Variants in MIPEP observed in about 807,000 individuals in gnomAD.
MIPEP encodes mitochondrial intermediate peptidase.
A neutral mutation model predicts 90.3 loss-of-function variants in MIPEP; 79 were observed. The ratio of observed to expected loss-of-function variants is 0.87; its 90% CI spans 0.73 to 1.05. The LOEUF is 1.05. Among genes scored for constraint, MIPEP ranks in the 50% least tolerant of loss-of-function variants. MIPEP has a pLI of 0.00. For missense variants in MIPEP, 940 were observed against 905.6 expected (o/e 1.04, Z -0.49); for synonymous variants, 334 against 315.8 (o/e 1.06, Z -0.61).
chr13:23,853,036 G>A (rs79173074), intron 10 of MIPEP, among the ~76,000 whole-genome samples: 6,923 of 152,208 alleles, frequency 0.045, 212 homozygotes, highest in Middle Eastern at 0.068. Context: ...TCTATACAAT[G>A]TGCTTGTGTT....
intron 16 of MIPEP, among the ~76,000 whole-genome samples, chr13:23,778,361 G>A (rs1422449065): frequency 1.3e-5 from 2 of 152,094 alleles, no homozygotes; most frequent in African/African-American, 4.8e-5. Context: ...ATCATGATGT[G>A]TGCAAGACAC....
chr13:23,794,474 T>C (rs1449439994), intron 16 of MIPEP, among the ~76,000 whole-genome samples: 1 of 152,196 alleles, frequency 6.6e-6, no homozygotes, highest in Non-Finnish European at 1.5e-5. Context: ...CTCTCATTCC[T>C]TGTGAGTAAA....
At chr13:23,783,050 C>T (rs1339017164) in intron 16 of MIPEP, among the ~76,000 whole-genome samples, 3 of 152,180 alleles carry the variant, frequency 2.0e-5, no homozygotes, top group African/African-American at 7.2e-5. Context: ...GGTACCATTC[C>T]TTCTGAAACT....
At chr13:23,822,690 A>G (rs534943547) in intron 14 of MIPEP, among the ~76,000 whole-genome samples, 12 of 152,274 alleles carry the variant, frequency 7.9e-5, no homozygotes, top group African/African-American at 2.6e-4. Flanking sequence ...ATTGTTTGTT[A>G]ATGCCAGAAC....
At chr13:23,853,133 T>C (rs764130632) in intron 10 of MIPEP, among the ~76,000 whole-genome samples, 1 of 152,206 alleles carries the variant, frequency 6.6e-6, no homozygotes, top group Non-Finnish European at 1.5e-5. Context: ...GAAGCAAAAG[T>C]TAATTTATTA....
chr13:23,756,694 A>T, intron 17 of MIPEP, 76 bp from the exon 18 acceptor site: 1 of 1,389,414 alleles, frequency 7.2e-7, no homozygotes, highest in Non-Finnish European at 1.0e-6. Context: ...TCTCAAAGAA[A>T]GCCACACTGA....
rs772788829 is a variant in MIPEP, at chr13:23,879,253, G to A, written c.539+15C>T. ...GAGTCACAGTCACAATCAAGGCAAA[G>A]AAATGAGTGAGTACCTTGTTTCTGG... On this transcript the variant is annotated intron_variant, in intron 4 of 18. Transcript: ENST00000382172. 22 of 1,536,254 alleles carry A rather than the reference G, an allele frequency of 1.4e-5. No homozygotes were observed. The Admixed American group carries it at 2.4e-4, about 17-fold the overall frequency.
At chr13:23,730,902 G>C (rs1952197726) in intron 18 of MIPEP, among the ~76,000 whole-genome samples, 1 of 151,996 alleles carries the variant, frequency 6.6e-6, no homozygotes, top group Admixed American at 6.5e-5. Flanking sequence ...TCAAGTTATT[G>C]GCTCTCCTCC....
chr13:23,835,623 G>T (rs903678826), intron 14 of MIPEP, among the ~76,000 whole-genome samples: 1 of 152,184 alleles, frequency 6.6e-6, no homozygotes, highest in African/African-American at 2.4e-5. Flanking sequence ...GGAAGGGAAA[G>T]AACGCATCTT....
rs928466205 is a variant in MIPEP at position 23,808,173 on chromosome 13, A to G, written c.1728+1677T>C. ...GAGTGCAGTGGCGCGATCTCGGCTCACTGCAAGCTCCGCCTCCCGGGTTCA... is the reference window on the plus strand; with the variant it reads ...GAGTGCAGTGGCGCGATCTCGGCTCGCTGCAAGCTCCGCCTCCCGGGTTCA... On this transcript the variant is annotated intron_variant, in intron 15 of 18. Transcript: ENST00000382172. Among the ~76,000 whole-genome samples, 13 of 150,490 alleles carry G rather than the reference A, an allele frequency of 8.6e-5. No homozygotes were observed. In the Admixed American group the frequency reaches 8.7e-4, roughly 10 times the overall value.
In MIPEP at chr13:23,889,050, C is replaced by T. The variant is rs532881631; in HGVS notation, c.189+82G>A. ...TCGCCTCCTCCCAGGCCCAAACAATCTCGCCCTGATTGTTGCTGGCCGCGC... is the reference window on the plus strand; with the variant it reads ...TCGCCTCCTCCCAGGCCCAAACAATTTCGCCCTGATTGTTGCTGGCCGCGC... On this transcript the variant is annotated intron_variant, in intron 1 of 18. Coordinates refer to ENST00000382172, the MANE Select transcript of MIPEP (RefSeq NM_005932.4). The T allele has an allele frequency of 5.6e-6, 7 of 1,260,018 alleles. No homozygotes were observed. The South Asian group carries it at 1.4e-4, about 26-fold the overall frequency. 78.1% of individuals were successfully genotyped at this position (1,260,018 alleles called of 1,614,324 possible).
intron 14 of MIPEP, among the ~76,000 whole-genome samples, chr13:23,831,386 G>GGGGGGGT (rs67059706): frequency 1.4e-5 from 1 of 69,416 alleles, no homozygotes; most frequent in Non-Finnish European, 3.0e-5. Context: ...CCCATGGCGG[G>GGGGGGGT]GGGGGGATGT....
intron 18 of MIPEP, among the ~76,000 whole-genome samples, chr13:23,739,319 GGGAGGTGCCCTTT>G (rs1255513277): frequency 3.9e-5 from 6 of 152,232 alleles, no homozygotes; most frequent in African/African-American, 1.4e-4. Flanking sequence ...TCTCCCAGAC[GGGAGGTGCCCTTT>G]GGAGATGAAG....
intron 12 of MIPEP, 89 bp downstream of exon 12, chr13:23,839,560 T>C: frequency 2.5e-6 from 2 of 799,868 alleles, no homozygotes; most frequent in Non-Finnish European, 3.8e-6. Flanking sequence ...TTAAATGTCA[T>C]GGAATTTAAA....
chr13:23,805,848 T>G, intron 16 of MIPEP, 102 bp downstream of exon 16: 1 of 1,280,350 alleles, frequency 7.8e-7, no homozygotes, highest in South Asian at 1.5e-5. Flanking sequence ...TCAACATAAA[T>G]GTAGGGATTT....
chr13:23,736,995 T>TA (rs1279264805), intron 18 of MIPEP, among the ~76,000 whole-genome samples: 4 of 152,208 alleles, frequency 2.6e-5, no homozygotes, highest in Non-Finnish European at 4.4e-5. Context: ...TTCTGTCAAA[T>TA]ACATTCTAAA....
intron 3 of MIPEP, among the ~76,000 whole-genome samples, chr13:23,881,344 T>C (rs1365374688): frequency 1.3e-5 from 2 of 152,218 alleles, no homozygotes; most frequent in Non-Finnish European, 2.9e-5. Flanking sequence ...AGGTAAGTGA[T>C]AATGGTGATG....
intron 10 of MIPEP, among the ~76,000 whole-genome samples, chr13:23,848,147 A>G (rs1434954856): frequency 1.3e-5 from 2 of 152,202 alleles, no homozygotes; most frequent in Non-Finnish European, 2.9e-5. Context: ...TAAAGTAGAA[A>G]TACTTTCCAG....
At chr13:23,781,114 A>G (rs1438950956) in intron 16 of MIPEP, among the ~76,000 whole-genome samples, 1 of 152,188 alleles carries the variant, frequency 6.6e-6, no homozygotes, top group Admixed American at 6.5e-5. Flanking sequence ...CACCACAAAG[A>G]TACTCCTCGA....
Sources: allele counts gnomAD v4.1 joint callset (sites outside exome capture counted in the v4.1 genomes callset), GRCh38; gene constraint gnomAD v4.1.1; transcripts MANE v1.5; gene names NCBI Gene and HGNC (gene_info 2026-07-23, HGNC 2026-07-21).